Variants in FNTB observed in about 807,000 individuals in gnomAD.
FNTB encodes the protein farnesyltransferase, CAAX box, subunit beta.
FNTB carries 27 observed loss-of-function variants against 59.4 expected under a neutral mutation model. The observed-to-expected ratio is 0.45, with a 90% CI of 0.34 to 0.63. The LOEUF is 0.63. FNTB is among the 20% of genes least tolerant of loss of function. FNTB has a pLI of 0.02. For missense variants in FNTB, 449 were observed against 559.6 expected, an observed-to-expected ratio of 0.80 and a Z score of 1.99; for synonymous variants, 230 against 220.7, an observed-to-expected ratio of 1.04 and a Z score of -0.37.
intron 3 of FNTB, among the ~76,000 whole-genome samples, chr14:65,013,204 TC>T (rs1202112403): frequency 2.0e-5 from 3 of 152,182 alleles, no homozygotes; most frequent in African/African-American, 7.2e-5. Flanking sequence ...GCAGCATAAA[TC>T]AGTGAAGTGG....
chr14:65,012,205 A>C lies in FNTB; in HGVS notation c.210-112A>C. The stretch of plus-strand genomic sequence containing the variant: ...TGCTGGTTATCCAGTCAGTGATTGC[A>C]GGGGGACGTCCTGAAGCTGAGTGTT... On this transcript the variant is annotated intron_variant, in intron 2 of 11. Coordinates refer to ENST00000246166, the MANE Select transcript of FNTB (RefSeq NM_002028.4). This position sits in a 1 kb window ranked among gnomAD's most constrained non-coding sequence, Gnocchi z 5.0. 1 of 1,322,680 alleles carries C rather than the reference A, an allele frequency of 7.6e-7. No homozygotes were observed. The highest frequency in any genetic ancestry group is 1.1e-6 in the Non-Finnish European group (1 of 936,982). The allele number at this position is 1,322,680 out of a possible 1,614,324, so 81.9% of individuals were successfully genotyped here. A position where few individuals can be genotyped will look rare whatever the true frequency, so the allele number is the denominator to read the frequency against.
chr14:65,059,819 G>C (rs1170054586), intron 11 of FNTB, among the ~76,000 whole-genome samples: 1 of 149,622 alleles, frequency 6.7e-6, no homozygotes, highest in African/African-American at 2.5e-5. Context: ...CTACATATTA[G>C]GGTTGTGGTC....
chr14:65,033,146 C>T (rs1242466429), intron 7 of FNTB, among the ~76,000 whole-genome samples: 4 of 151,742 alleles, frequency 2.6e-5, no homozygotes, highest in Non-Finnish European at 5.9e-5. Flanking sequence ...ATAGTTGCAT[C>T]GGAATATAAT....
intron 1 of FNTB, among the ~76,000 whole-genome samples, chr14:64,993,553 A>AT (rs925205790): frequency 2.6e-4 from 40 of 152,042 alleles, no homozygotes; most frequent in African/African-American, 8.9e-4. Context: ...CTGAGAGAGA[A>AT]TTTTTTTTGA....
In FNTB at chr14:65,028,849, G is replaced by C. The variant is rs1469639600; in HGVS notation, c.605+1068G>C. ...TCGTGTTCACTACATTTTCGTTCCT[G>C]TTCTGTTGCTATTCCCCCAAAATAT... On this transcript the variant is annotated intron_variant, in intron 6 of 11. Coordinates refer to ENST00000246166, the MANE Select transcript of FNTB (RefSeq NM_002028.4). The surrounding 1 kb of genome is among the most constrained non-coding windows in gnomAD (Gnocchi z 4.4). Among the ~76,000 whole-genome samples, 1 of 152,088 alleles carries C rather than the reference G, an allele frequency of 6.6e-6. No individual in the cohort carries two copies. Among genetic ancestry groups the C allele is most frequent in the Non-Finnish European group, 1.5e-5 (1 of 68,008 alleles).
intron 4 of FNTB, among the ~76,000 whole-genome samples, chr14:65,017,472 C>G (rs1469087944): frequency 1.3e-5 from 2 of 152,032 alleles, no homozygotes; most frequent in Non-Finnish European, 2.9e-5. Flanking sequence ...TGGAAGAACT[C>G]GAGCCAAAAT....
At chr14:65,026,719 G>C (rs1687996562) in intron 4 of FNTB, among the ~76,000 whole-genome samples, 1 of 152,048 alleles carries the variant, frequency 6.6e-6, no homozygotes. Flanking sequence ...AAAATTGGCT[G>C]GGCGTGATGG....
chr14:65,005,511 T>TTCTTTCTTTCTTTCTC (rs1555390096), intron 2 of FNTB, among the ~76,000 whole-genome samples: 1 of 64,436 alleles, frequency 1.6e-5, no homozygotes, highest in Non-Finnish European at 3.0e-5. Context: ...CTTTCTTTCT[T>TTCTTTCTTTCTTTCTC]TCTCTCTCTC....
Position 65,006,036 on chromosome 14 carries a change from A to G in FNTB, c.209+1723A>G, listed in dbSNP as rs191056234. ...TCTGAAGTTCAGCCTTTCCTCCTTC[A>G]TCATGTCTCTTGACTTCTTGAGATC... On this transcript the variant is annotated intron_variant, in intron 2 of 11. Coordinates refer to ENST00000246166, the MANE Select transcript of FNTB (RefSeq NM_002028.4). 18 of 1,199,276 alleles carry G rather than the reference A, an allele frequency of 1.5e-5. No homozygotes were observed. In the Admixed American group the frequency reaches 4.4e-4, roughly 30 times the overall value. The allele number at this position is 1,199,276 out of a possible 1,614,324, so 74.3% of individuals were successfully genotyped here.
chr14:65,025,686 A>G (rs1447214144), intron 4 of FNTB, among the ~76,000 whole-genome samples: 3 of 152,114 alleles, frequency 2.0e-5, no homozygotes, highest in Non-Finnish European at 4.4e-5. Context: ...GTGGTGGCTC[A>G]TGCCTGTAAT....
intron 2 of FNTB, among the ~76,000 whole-genome samples, chr14:65,008,436 CCTGCCCCTG>C (rs1258094834): frequency 6.6e-6 from 1 of 152,210 alleles, no homozygotes; most frequent in Admixed American, 6.5e-5. Context: ...TAGCCCTGGG[CCTGCCCCTG>C]CTGGGCTCTT....
At chr14:65,055,359 A>C (rs1170007104) in intron 11 of FNTB, among the ~76,000 whole-genome samples, 1 of 152,180 alleles carries the variant, frequency 6.6e-6, no homozygotes, top group African/African-American at 2.4e-5. Context: ...GGGCCCATGC[A>C]GACTGTCATG....
Position 65,047,146 on chromosome 14 carries a change from C to A in FNTB, c.955+2703C>A, listed in dbSNP as rs1252309096. On this transcript the variant is annotated intron_variant, in intron 9 of 11. Coordinates refer to ENST00000246166, the MANE Select transcript of FNTB (RefSeq NM_002028.4). This position sits in a 1 kb window ranked among gnomAD's most constrained non-coding sequence, Gnocchi z 5.2. ...ACTTTTTCTACTACAACTGCCACTA[C>A]TACTGGTAGCGGAGTCTTCCCAAGC... Among the ~76,000 whole-genome samples, 1 of 152,228 alleles carries A rather than the reference C, an allele frequency of 6.6e-6. No individual in the cohort carries two copies. Among genetic ancestry groups the A allele is most frequent in the African/African-American group, 2.4e-5 (1 of 41,460 alleles).
At chr14:65,052,804 G>T (rs1358619181) in intron 9 of FNTB, among the ~76,000 whole-genome samples, 19 of 152,200 alleles carry the variant, frequency 1.2e-4, no homozygotes, top group Admixed American at 1.2e-3. Context: ...CCCATTAAGA[G>T]TTCTCTGAGC....
chr14:65,015,210 C>A (rs991645741), intron 3 of FNTB, among the ~76,000 whole-genome samples: 2 of 151,244 alleles, frequency 1.3e-5, no homozygotes, highest in Non-Finnish European at 2.9e-5. Context: ...TCAAGTGATT[C>A]TCCTGCTTCG....
At position 65,047,929 on chromosome 14, in the gene FNTB, T is replaced by C. The variant is rs2062518569; in HGVS notation, c.955+3486T>C. Among the ~76,000 whole-genome samples the C allele has an allele frequency of 6.6e-6, 1 of 151,378 alleles. No homozygotes were observed. The highest frequency in any genetic ancestry group is 6.6e-5 in the Admixed American group (1 of 15,170). ...CAAAACCCCTTGAACAATGGGTACC[T>C]TTGGGAGAAGAGAAGCAGACAGAAG... On this transcript the variant is annotated intron_variant, in intron 9 of 11. Coordinates refer to ENST00000246166, the MANE Select transcript of FNTB (RefSeq NM_002028.4). The surrounding 1 kb of genome is among the most constrained non-coding windows in gnomAD (Gnocchi z 5.2).
Position 65,009,032 on chromosome 14 carries a change from C to T in FNTB, c.210-3285C>T, listed in dbSNP as rs2061642208. 6.6e-6 allele frequency among the ~76,000 whole-genome samples: 1 copy of T among 152,186 alleles called. No individual in the cohort carries two copies. Among genetic ancestry groups the T allele is most frequent in the African/African-American group, 2.4e-5 (1 of 41,444 alleles). On this transcript the variant is annotated intron_variant, in intron 2 of 11. Coordinates refer to ENST00000246166, the MANE Select transcript of FNTB (RefSeq NM_002028.4). The surrounding 1 kb of genome is among the most constrained non-coding windows in gnomAD (Gnocchi z 4.2). ...CCTGCACGAAACCTGTCTTATTCTG[C>T]TCCATGTAATTGAATGGTTTTGGGG...
rs765680863 is a variant in FNTB at position 65,015,706 on chromosome 14, G to A, written c.364G>A (p.Val122Met). Residue 122 changes from valine to methionine, a missense_variant, in exon 4 of 12, where the codon GTG becomes ATG. Val to Met is a conservative substitution (Grantham distance 21, BLOSUM62 1). Transcript: ENST00000246166. ...ELLDEPIPQIVATDVCQFLEL... is the reference protein window; with the variant it reads ...ELLDEPIPQIMATDVCQFLEL... ...GCTAGATGAACCCATCCCCCAGATA[G>A]TGGCTACAGAGTGAGTCTGTCTTTG... 1 of 1,614,168 alleles carries A rather than the reference G, an allele frequency of 6.2e-7. No homozygotes were observed. The highest frequency in any genetic ancestry group is 8.5e-7 in the Non-Finnish European group (1 of 1,180,010).
chr14:65,024,302 G>T (rs761768696), intron 4 of FNTB, among the ~76,000 whole-genome samples: 1 of 151,532 alleles, frequency 6.6e-6, no homozygotes, highest in Non-Finnish European at 1.5e-5. Context: ...GGTTTAATTG[G>T]AATTAGGTGT....
Sources: gnomAD v4.1 joint callset for allele counts (sites outside exome capture counted in the v4.1 genomes callset) on GRCh38, gnomAD v4.1.1 for gene constraint, Gnocchi (gnomAD v3.1) non-coding constraint, MANE v1.5 for transcripts, NCBI Gene and HGNC (gene_info 2026-07-23, HGNC 2026-07-21) for gene names.